CACHD1: variants seen among roughly 807,000 people sequenced by gnomAD.
The protein encoded by CACHD1 is cache domain containing 1, also known as VWFA and cache domain-containing protein 1.
CACHD1 carries 71 observed loss-of-function variants against 138.7 expected under a neutral mutation model. The ratio of observed to expected loss-of-function variants is 0.51; its 90% confidence interval spans 0.42 to 0.62. CACHD1 has a LOEUF of 0.62. Ranked by LOEUF, CACHD1 falls within the 20% of genes least tolerant of loss-of-function variation. The probability of loss-of-function intolerance (pLI) is 0.00; values close to 1 mark genes in which losing one functional copy is unlikely to be tolerated. For missense variants in CACHD1, 1,389 were observed against 1,625.3 expected (o/e 0.85, Z 2.50); for synonymous variants, 578 against 591.5 (o/e 0.98, Z 0.33).
intron 1 of CACHD1, among the ~76,000 whole-genome samples, chr1:64,482,667 C>T (rs1646218021): frequency 1.3e-5 from 2 of 152,120 alleles, no homozygotes; most frequent in African/African-American, 4.8e-5. Flanking sequence ...GGAAATTTGC[C>T]ACTTCTGTAG....
At chr1:64,575,884 A>C (rs1480531431) in intron 2 of CACHD1, among the ~76,000 whole-genome samples, 2 of 152,186 alleles carry the variant, frequency 1.3e-5, no homozygotes, top group East Asian at 1.9e-4. Context: ...AAGAGCTTTT[A>C]AAAAAGGGCT....
At chr1:64,593,102 T>A (rs1230075990) in intron 3 of CACHD1, among the ~76,000 whole-genome samples, 1 of 152,188 alleles carries the variant, frequency 6.6e-6, no homozygotes, top group African/African-American at 2.4e-5. Context: ...AACATGCTGA[T>A]TTGGAGTTGC....
At chr1:64,599,260 T>TA (rs978944327) in intron 3 of CACHD1, among the ~76,000 whole-genome samples, 21 of 152,098 alleles carry the variant, frequency 1.4e-4, no homozygotes, top group South Asian at 2.1e-4. Context: ...AGCAGAATCT[T>TA]AAAAAAAATC....
At chr1:64,572,115 G>A (rs377187536) in intron 2 of CACHD1, among the ~76,000 whole-genome samples, 1 of 152,184 alleles carries the variant, frequency 6.6e-6, no homozygotes. Flanking sequence ...CCAAGTTCAC[G>A]AACCCATAGT....
At chr1:64,627,099 C>T (rs558894690) in intron 4 of CACHD1, among the ~76,000 whole-genome samples, 1 of 152,226 alleles carries the variant, frequency 6.6e-6, no homozygotes, top group East Asian at 1.9e-4. Context: ...GGAAGCAAGG[C>T]CTGTCTGTCT....
At chr1:64,622,782 T>C (rs752496868) in intron 4 of CACHD1, among the ~76,000 whole-genome samples, 17 of 152,222 alleles carry the variant, frequency 1.1e-4, no homozygotes, top group Non-Finnish European at 2.5e-4. Flanking sequence ...TTGTGAAAAG[T>C]AGTACACCAT....
chr1:64,476,104 A>AAGCAGC (rs57837863), intron 1 of CACHD1, among the ~76,000 whole-genome samples: 5 of 151,024 alleles, frequency 3.3e-5, no homozygotes, highest in African/African-American at 9.7e-5. Context: ...GTCCTGAAGG[A>AAGCAGC]AGCAGCAGCA....
At chr1:64,625,645 A>G (rs886786612) in intron 4 of CACHD1, among the ~76,000 whole-genome samples, 12 of 152,052 alleles carry the variant, frequency 7.9e-5, no homozygotes, top group African/African-American at 2.9e-4. Flanking sequence ...AAAAAAAGAA[A>G]AAGAAATTAC....
chr1:64,525,688 G>T (rs1187703909), intron 1 of CACHD1, among the ~76,000 whole-genome samples: 1 of 152,174 alleles, frequency 6.6e-6, no homozygotes, highest in African/African-American at 2.4e-5. Context: ...AGGTGCAATG[G>T]CCTTAACTGG....
chr1:64,643,389 T>A (rs922414946), intron 8 of CACHD1, among the ~76,000 whole-genome samples: 2 of 152,246 alleles, frequency 1.3e-5, no homozygotes, highest in African/African-American at 4.8e-5. Context: ...CATTTGCTAG[T>A]CGTTTGGCTT....
chr1:64,471,415 C>T (rs1646143699), intron 1 of CACHD1, among the ~76,000 whole-genome samples: 1 of 152,236 alleles, frequency 6.6e-6, no homozygotes, highest in Non-Finnish European at 1.5e-5. Flanking sequence ...CGCGTCCTCG[C>T]GTCCTCGCGT....
At chr1:64,614,840 T>G (rs1224713346) in intron 4 of CACHD1, among the ~76,000 whole-genome samples, 1 of 152,212 alleles carries the variant, frequency 6.6e-6, no homozygotes, top group Non-Finnish European at 1.5e-5. Flanking sequence ...TCTAGAAGAA[T>G]AATTAACGTA....
At chr1:64,548,642 T>C (rs1646735801) in intron 1 of CACHD1, among the ~76,000 whole-genome samples, 1 of 152,198 alleles carries the variant, frequency 6.6e-6, no homozygotes, top group African/African-American at 2.4e-5. Flanking sequence ...TAGTGGTATC[T>C]AGAGCAGAGC....
At chr1:64,667,581 G>A (rs537212967) in intron 16 of CACHD1, among the ~76,000 whole-genome samples, 13 of 152,340 alleles carry the variant, frequency 8.5e-5, no homozygotes. Flanking sequence ...CATGTGTGAA[G>A]CACACTCCTA....
chr1:64,511,322 T>C (rs1321856669), intron 1 of CACHD1, among the ~76,000 whole-genome samples: 1 of 152,228 alleles, frequency 6.6e-6, no homozygotes, highest in Non-Finnish European at 1.5e-5. Context: ...ATAAGGGTGA[T>C]TGAACATTCA....
chr1:64,590,033 C>A (rs551423812), intron 3 of CACHD1, among the ~76,000 whole-genome samples: 30 of 152,102 alleles, frequency 2.0e-4, no homozygotes, highest in Non-Finnish European at 3.5e-4. Context: ...CTCAGCCGGG[C>A]GCAGTGGCTC....
At chr1:64,557,390 T>C (rs1422329140) in intron 2 of CACHD1, among the ~76,000 whole-genome samples, 2 of 152,178 alleles carry the variant, frequency 1.3e-5, no homozygotes, top group African/African-American at 4.8e-5. Flanking sequence ...AATAATTTAC[T>C]CAATGAAATT....
chr1:64,568,467 AG>A (rs1646900901), intron 2 of CACHD1, among the ~76,000 whole-genome samples: 1 of 152,124 alleles, frequency 6.6e-6, no homozygotes, highest in African/African-American at 2.4e-5. Context: ...GGATGCTTGG[AG>A]TACTGTTCAG....
intron 1 of CACHD1, among the ~76,000 whole-genome samples, chr1:64,477,629 A>ATTTATTTATTTATTTATT: frequency 8.7e-6 from 1 of 114,846 alleles, no homozygotes; most frequent in African/African-American, 4.3e-5. Context: ...TTATTATTTT[A>ATTTATTTATTTATTTATT]TTTTATTTTT....
Sources: allele counts gnomAD v4.1 joint callset (sites outside exome capture counted in the v4.1 genomes callset), GRCh38; gene constraint gnomAD v4.1.1; transcripts MANE v1.5; gene names NCBI Gene and HGNC (gene_info 2026-07-23, HGNC 2026-07-21).